Variants in CCSER1 observed in about 807,000 individuals in gnomAD.
The protein encoded by CCSER1 is coiled-coil serine rich protein 1.
In CCSER1, 41 loss-of-function variants were observed where a neutral mutation model predicts 82.0. The ratio of observed to expected loss-of-function variants is 0.50; its 90% CI spans 0.39 to 0.65. CCSER1 has a LOEUF of 0.65. Among genes scored for constraint, CCSER1 ranks in the 30% least tolerant of loss-of-function variants. CCSER1 has a pLI of 0.00. For synonymous variants in CCSER1, 414 were observed against 383.9 expected, an observed-to-expected ratio of 1.08 and a Z score of -0.92; for missense variants, 1,119 against 1,064.2, an observed-to-expected ratio of 1.05 and a Z score of -0.72.
chr4:91,288,627 C>T (rs567696856), intron 10 of CCSER1, among the ~76,000 whole-genome samples: 1 of 152,116 alleles, frequency 6.6e-6, no homozygotes. Flanking sequence ...ACAACAGCTA[C>T]TGCAAGAAAG....
intron 1 of CCSER1, among the ~76,000 whole-genome samples, chr4:90,157,139 G>T (rs1400156655): frequency 6.6e-6 from 1 of 152,072 alleles, no homozygotes; most frequent in Non-Finnish European, 1.5e-5. Flanking sequence ...ATGAAACTTA[G>T]TTTGGCTGGA....
At chr4:90,543,015 C>T (rs1346161507) in intron 5 of CCSER1, among the ~76,000 whole-genome samples, 1 of 152,048 alleles carries the variant, frequency 6.6e-6, no homozygotes. Context: ...TTCATAGAAA[C>T]ATTGGCATTT....
chr4:90,336,636 G>C (rs1312505549), intron 3 of CCSER1, among the ~76,000 whole-genome samples: 1 of 152,128 alleles, frequency 6.6e-6, no homozygotes, highest in Non-Finnish European at 1.5e-5. Flanking sequence ...TCCTTTCCTT[G>C]AGGATATGTG....
At chr4:91,257,297 A>G (rs1292508999) in intron 10 of CCSER1, among the ~76,000 whole-genome samples, 1 of 152,156 alleles carries the variant, frequency 6.6e-6, no homozygotes, top group African/African-American at 2.4e-5. Context: ...AAAGTTCACA[A>G]GATACAATGA....
chr4:90,616,788 T>G, intron 5 of CCSER1, among the ~76,000 whole-genome samples: 1 of 150,878 alleles, frequency 6.6e-6, no homozygotes, highest in African/African-American at 2.4e-5. Context: ...TTAGGTTAAA[T>G]ACAAATAAAA....
At chr4:91,383,523 A>G (rs1239028309) in intron 10 of CCSER1, among the ~76,000 whole-genome samples, 1 of 152,158 alleles carries the variant, frequency 6.6e-6, no homozygotes, top group East Asian at 1.9e-4. Flanking sequence ...GAGTTATTCT[A>G]AGATGTAAAT....
chr4:90,620,785 A>AAAC (rs1722169251), intron 5 of CCSER1, among the ~76,000 whole-genome samples: 1 of 152,086 alleles, frequency 6.6e-6, no homozygotes, highest in African/African-American at 2.4e-5. Flanking sequence ...TAGTTACAAG[A>AAAC]AACAATGACC....
At chr4:91,144,952 C>T (rs1286787359) in intron 10 of CCSER1, among the ~76,000 whole-genome samples, 3 of 151,934 alleles carry the variant, frequency 2.0e-5, no homozygotes, top group South Asian at 4.1e-4. Context: ...AGGTGGAATA[C>T]TCTGTTGATG....
At chr4:91,482,327 G>A (rs1408534902) in intron 10 of CCSER1, among the ~76,000 whole-genome samples, 1 of 96,486 alleles carries the variant, frequency 1.0e-5, no homozygotes, top group African/African-American at 4.6e-5. Flanking sequence ...GCGTGAACCC[G>A]GGAAGCGGAG....
Position 90,993,936 on chromosome 4 carries a change from G to A in CCSER1, c.2172+70489G>A, listed in dbSNP as rs17017919. ...GATAAATACTACTTATTATATGTCAGCATTATGATAAGTGCTCTATACAGA... is the reference window on the plus strand; with the variant it reads ...GATAAATACTACTTATTATATGTCAACATTATGATAAGTGCTCTATACAGA... On this transcript the variant is annotated intron_variant, in intron 9 of 10. Coordinates refer to ENST00000509176, the MANE Select transcript of CCSER1 (RefSeq NM_001145065.2). Among the ~76,000 whole-genome samples, 661 of 152,158 alleles carry A rather than the reference G, an allele frequency of 4.3e-3. 8 individuals carry two copies. The highest frequency in any genetic ancestry group is 0.015 in the African/African-American group (633 of 41,522).
intron 9 of CCSER1, among the ~76,000 whole-genome samples, chr4:91,052,278 A>C (rs1743074241): frequency 6.6e-6 from 1 of 152,112 alleles, no homozygotes; most frequent in Non-Finnish European, 1.5e-5. Flanking sequence ...TTATGTCTAC[A>C]GGCTGAGTGC....
chr4:90,829,805 C>G (rs1471351287), intron 8 of CCSER1, among the ~76,000 whole-genome samples: 1 of 152,194 alleles, frequency 6.6e-6, no homozygotes, highest in Non-Finnish European at 1.5e-5. Context: ...TCCCGTAATT[C>G]TTTCCTTAGG....
chr4:90,308,427 G>C lies in CCSER1; in HGVS notation c.143G>C (p.Ser48Thr). 1 of 1,613,748 alleles carries C rather than the reference G, an allele frequency of 6.2e-7. No homozygotes were observed. The highest frequency in any genetic ancestry group is 8.5e-7 in the Non-Finnish European group (1 of 1,179,824). ...GGTGTCCACAGTTCCTCTCCTTCCA[G>C]CACTAACTCAAGCTCAGGTAGCACA... Reference protein sequence around the residue: ...TVGVHSSSPSSTNSSSGSTGK... With the variant: ...TVGVHSSSPSTTNSSSGSTGK... The change falls in exon 2 of 11, where the codon AGC becomes ACC. Residue 48 changes from serine to threonine, a missense_variant. Physicochemically the swap from Ser to Thr is moderately conservative, Grantham distance 58. Transcript: ENST00000509176.
chr4:90,219,940 A>G (rs1221608385), intron 1 of CCSER1, among the ~76,000 whole-genome samples: 1 of 152,182 alleles, frequency 6.6e-6, no homozygotes, highest in Non-Finnish European at 1.5e-5. Context: ...TATGTTGCTA[A>G]TATTTCTCTG....
intron 8 of CCSER1, among the ~76,000 whole-genome samples, chr4:90,867,309 G>T (rs528723277): frequency 1.3e-5 from 2 of 151,996 alleles, no homozygotes; most frequent in Non-Finnish European, 2.9e-5. Context: ...AGGGAATAAA[G>T]AAGCCAAATT....
chr4:91,359,865 G>A (rs1459165067), intron 10 of CCSER1, among the ~76,000 whole-genome samples: 1 of 151,802 alleles, frequency 6.6e-6, no homozygotes, highest in Non-Finnish European at 1.5e-5. Flanking sequence ...TAATTTTAGT[G>A]CAGATAGAAA....
chr4:90,966,979 A>G (rs62309780), intron 9 of CCSER1, among the ~76,000 whole-genome samples: 41,023 of 152,030 alleles, frequency 0.27, 6,867 homozygotes, highest in East Asian at 0.39. Context: ...TGGATAACCT[A>G]CACTTTTCAA....
chr4:90,831,252 T>C (rs137903163), intron 8 of CCSER1, among the ~76,000 whole-genome samples: 1 of 152,310 alleles, frequency 6.6e-6, no homozygotes, highest in East Asian at 1.9e-4. Context: ...TATTTGATTA[T>C]TGATTTTTCT....
intron 5 of CCSER1, among the ~76,000 whole-genome samples, chr4:90,526,447 C>T (rs1355661861): frequency 1.3e-5 from 2 of 151,842 alleles, no homozygotes; most frequent in African/African-American, 4.8e-5. Flanking sequence ...ATGTGCAGAA[C>T]ATGCAGGTTT....
Sources: allele counts gnomAD v4.1 joint callset (sites outside exome capture counted in the v4.1 genomes callset), GRCh38; gene constraint gnomAD v4.1.1; transcripts MANE v1.5; gene names NCBI Gene and HGNC (gene_info 2026-07-23, HGNC 2026-07-21).